HCN1: variants seen among roughly 807,000 people sequenced by gnomAD.
HCN1 encodes the protein hyperpolarization activated cyclic nucleotide gated potassium channel 1.
In HCN1, 13 loss-of-function variants were observed where a neutral mutation model predicts 78.9. That is an observed-to-expected ratio of 0.16 (90% CI 0.11 to 0.26). The LOEUF (loss-of-function observed/expected upper bound fraction) is 0.26. Ranked by LOEUF, HCN1 falls within the 10% of genes least tolerant of loss-of-function variation. The pLI is 1.00. For synonymous variants in HCN1, 552 were observed against 455.5 expected (o/e 1.21, Z -2.70); for missense variants, 810 against 1,154.3 (o/e 0.70, Z 4.32).
In HCN1 at chr5:45,695,716, C is replaced by T. The variant is rs762596730; in HGVS notation, c.378G>A (p.Arg126=). The T allele has an allele frequency of 6.2e-7, 1 of 1,612,574 alleles. No individual in the cohort carries two copies. The highest frequency in any genetic ancestry group is 1.1e-5 in the South Asian group (1 of 91,078). The change falls in exon 1 of 8, where the codon AGG becomes AGA. Residue 126 remains arginine (R), a synonymous_variant. Transcript: ENST00000303230. ...TAATCCAGAAGCCTGCAGTTTTAAC[C>T]CTTTCCTGCTCCTTTTCCACCGCCT... The part of the protein sequence containing the change: ...SQKAVEKEQE[R]VKTAGFWIIH...
chr5:45,671,903 G>T (rs1189391898), intron 1 of HCN1, among the ~76,000 whole-genome samples: 1 of 151,410 alleles, frequency 6.6e-6, no homozygotes, highest in Admixed American at 6.6e-5. Context: ...AGATAATAGG[G>T]TTTCTTCTCA....
At chr5:45,523,917 G>C (rs1267031564) in intron 2 of HCN1, among the ~76,000 whole-genome samples, 1 of 151,912 alleles carries the variant, frequency 6.6e-6, no homozygotes, top group African/African-American at 2.4e-5. Context: ...TTGGGGTTTT[G>C]GACATGAAGT....
At chr5:45,279,664 CA>C (rs1227727853) in intron 6 of HCN1, among the ~76,000 whole-genome samples, 3 of 152,014 alleles carry the variant, frequency 2.0e-5, no homozygotes, top group African/African-American at 7.2e-5. Context: ...TCAGATTAAA[CA>C]ATCATCAACT....
chr5:45,352,483 C>A (rs370393712), intron 5 of HCN1, among the ~76,000 whole-genome samples: 1 of 151,722 alleles, frequency 6.6e-6, no homozygotes, highest in South Asian at 2.1e-4. Context: ...ATGTAAGTAA[C>A]GTGCGCATTG....
rs1561131965 is a variant in HCN1, at chr5:45,375,919, A to ATATATGATATAATATTTTATCCTATATT, written c.1230+20572_1230+20573insAATATAGGATAAAATATTATATCATATA. Among the ~76,000 whole-genome samples the ATATATGATATAATATTTTATCCTATATT allele has an allele frequency of 4.1e-5, 5 of 122,330 alleles. 1 individual carries two copies. The highest frequency in any genetic ancestry group is 1.6e-4 in the African/African-American group (5 of 30,446). 80.3% of individuals were successfully genotyped at this position (122,330 alleles called of 152,430 possible). ...TATGATATAATATTTTATCTTATAT[A>ATATATGATATAATATTTTATCCTATATT]TTATATATGATATAATATTTTATCA... On this transcript the variant is annotated intron_variant, in intron 4 of 7. Coordinates refer to ENST00000303230, the MANE Select transcript of HCN1 (RefSeq NM_021072.4).
intron 2 of HCN1, chr5:45,642,102 A>G (rs539094912): frequency 1.3e-5 from 2 of 152,296 alleles, no homozygotes; most frequent in African/African-American, 4.8e-5. Context: ...TATTACAAGA[A>G]AAGAAATTTC....
intron 2 of HCN1, among the ~76,000 whole-genome samples, chr5:45,544,519 T>C (rs996328784): frequency 3.3e-5 from 5 of 152,096 alleles, no homozygotes; most frequent in Admixed American, 2.6e-4. Context: ...TATGTATACA[T>C]GTGCCATGTT....
At chr5:45,427,843 A>G (rs1236642371) in intron 3 of HCN1, among the ~76,000 whole-genome samples, 4 of 152,088 alleles carry the variant, frequency 2.6e-5, no homozygotes, top group African/African-American at 9.6e-5. Flanking sequence ...TCCTTGCTCA[A>G]CTTGGCTCTG....
At chr5:45,619,148 G>A (rs936679762) in intron 2 of HCN1, among the ~76,000 whole-genome samples, 1 of 152,006 alleles carries the variant, frequency 6.6e-6, no homozygotes, top group Admixed American at 6.6e-5. Flanking sequence ...TAGAAGTAAT[G>A]AGAAGAAGTA....
chr5:45,692,039 A>G (rs902374827), intron 1 of HCN1, among the ~76,000 whole-genome samples: 11 of 152,236 alleles, frequency 7.2e-5, no homozygotes, highest in African/African-American at 2.7e-4. Context: ...GGCTGGCAAT[A>G]CATATGGAAA....
intron 3 of HCN1, among the ~76,000 whole-genome samples, chr5:45,449,572 T>C (rs1740868320): frequency 6.6e-6 from 1 of 152,126 alleles, no homozygotes; most frequent in South Asian, 2.1e-4. Context: ...TTGGACCTTC[T>C]AGTATGCTGT....
At chr5:45,694,968 T>C (rs2112107576) in intron 1 of HCN1, 1 of 152,306 alleles carries the variant, frequency 6.6e-6, no homozygotes, top group African/African-American at 2.4e-5. Context: ...AGGGGCTCTG[T>C]CAACGCCCCC....
chr5:45,312,351 C>G (rs1338257788), intron 5 of HCN1, among the ~76,000 whole-genome samples: 3 of 152,162 alleles, frequency 2.0e-5, no homozygotes, highest in Admixed American at 6.5e-5. Flanking sequence ...GACACGATGT[C>G]TATTTATTTT....
At chr5:45,581,108 G>A (rs1463709879) in intron 2 of HCN1, among the ~76,000 whole-genome samples, 2 of 152,294 alleles carry the variant, frequency 1.3e-5, no homozygotes, top group African/African-American at 4.8e-5. Context: ...TTGAGCAATC[G>A]CCACACTGAC....
chr5:45,632,435 A>C (rs1309777694), intron 2 of HCN1, among the ~76,000 whole-genome samples: 3 of 151,980 alleles, frequency 2.0e-5, no homozygotes, highest in Non-Finnish European at 2.9e-5. Context: ...ATGAGGAAAA[A>C]ATTCTGCTTC....
At chr5:45,344,949 C>T (rs980979917) in intron 5 of HCN1, among the ~76,000 whole-genome samples, 1 of 152,180 alleles carries the variant, frequency 6.6e-6, no homozygotes, top group African/African-American at 2.4e-5. Flanking sequence ...CCTCACATTT[C>T]CCTACCACAC....
intron 3 of HCN1, among the ~76,000 whole-genome samples, chr5:45,430,988 T>C (rs1434363506): frequency 6.6e-6 from 1 of 152,218 alleles, no homozygotes; most frequent in Non-Finnish European, 1.5e-5. Flanking sequence ...GGTCAAATTA[T>C]AATCTTGTTT....
chr5:45,503,148 AC>A (rs1742225464), intron 2 of HCN1, among the ~76,000 whole-genome samples: 1 of 152,222 alleles, frequency 6.6e-6, no homozygotes, highest in Non-Finnish European at 1.5e-5. Flanking sequence ...CTGTTTTGCA[AC>A]CTTTAATAAA....
chr5:45,629,159 A>C (rs1419388507), intron 2 of HCN1, among the ~76,000 whole-genome samples: 1 of 152,134 alleles, frequency 6.6e-6, no homozygotes, highest in African/African-American at 2.4e-5. Flanking sequence ...ACTATGTATG[A>C]AATTAACAGC....
Sources: gnomAD v4.1 joint callset for allele counts (sites outside exome capture counted in the v4.1 genomes callset) on GRCh38, gnomAD v4.1.1 for gene constraint, MANE v1.5 for transcripts, NCBI Gene and HGNC (gene_info 2026-07-23, HGNC 2026-07-21) for gene names.